The following SFXN5 variants were observed in gnomAD, a reference collection of about 807,000 sequenced individuals.
SFXN5 encodes the protein sideroflexin 5.
In SFXN5, 43 loss-of-function variants were observed where a neutral mutation model predicts 50.2. The observed-to-expected ratio is 0.86, with a 90% CI of 0.67 to 1.11. The LOEUF (loss-of-function observed/expected upper bound fraction) is 1.11. Among genes scored for constraint, SFXN5 ranks in the 50% least tolerant of loss-of-function variants. The pLI is 0.00. For missense variants in SFXN5, 463 were observed against 454.1 expected (o/e 1.02, Z -0.18); for synonymous variants, 203 against 185.8 (o/e 1.09, Z -0.75).
chr2:72,965,691 G>C (rs1274881238), intron 12 of SFXN5, among the ~76,000 whole-genome samples: 1 of 152,138 alleles, frequency 6.6e-6, no homozygotes, highest in East Asian at 1.9e-4. Flanking sequence ...CCCTTTGAGG[G>C]GGACAAGGAA....
rs1015144126 is a variant in SFXN5 at position 72,944,298 on chromosome 2, G to A, written c.*724C>T. On this transcript the variant is annotated 3_prime_UTR_variant, in exon 14 of 14. Coordinates refer to ENST00000272433, the MANE Select transcript of SFXN5 (RefSeq NM_144579.3). ...AATCAGTTAGAGCTCCACGAAGGGG[G>A]ACCCTAGCTCCAGGGTCACTGGACT... 1 of 152,250 alleles carries A rather than the reference G, an allele frequency of 6.6e-6. No individual in the cohort carries two copies. Among genetic ancestry groups the A allele is most frequent in the African/African-American group, 2.4e-5 (1 of 41,436 alleles). 9.4% of individuals were successfully genotyped at this position (152,250 alleles called of 1,614,324 possible). A position where few individuals can be genotyped will look rare whatever the true frequency, so the allele number is the denominator to read the frequency against.
intron 3 of SFXN5, among the ~76,000 whole-genome samples, chr2:73,032,378 G>A (rs1678422900): frequency 6.6e-6 from 1 of 152,248 alleles, no homozygotes; most frequent in South Asian, 2.1e-4. Flanking sequence ...ACAAATCAGT[G>A]TGGATATGAG....
chr2:72,991,178 C>T (rs1672553380), intron 9 of SFXN5, among the ~76,000 whole-genome samples: 1 of 152,220 alleles, frequency 6.6e-6, no homozygotes, highest in Non-Finnish European at 1.5e-5. Context: ...TCTCCAAAGC[C>T]TCCCCCTCCC....
At chr2:73,040,975 G>A (rs762617214) in intron 2 of SFXN5, 44 bp from the exon 3 acceptor site, 1 of 1,572,050 alleles carries the variant, frequency 6.4e-7, no homozygotes, top group South Asian at 1.1e-5. Flanking sequence ...CAGATCCAGG[G>A]CTCCCGCAAA....
intron 12 of SFXN5, among the ~76,000 whole-genome samples, chr2:72,962,720 A>G (rs1673887086): frequency 6.6e-6 from 1 of 152,196 alleles, no homozygotes; most frequent in South Asian, 2.1e-4. Context: ...CTCAGAAATT[A>G]TGTGTCATTA....
At position 73,031,383 on chromosome 2, in the gene SFXN5, A is replaced by G. The variant is rs533114552; in HGVS notation, c.250-8169T>C. On this transcript the variant is annotated intron_variant, in intron 3 of 13. Coordinates refer to ENST00000272433, the MANE Select transcript of SFXN5 (RefSeq NM_144579.3). Reference sequence around the variant, plus strand: ...CCCAAAGAGATGGTAGAGAAACATGATGGAAGGAGCCTGGGTCCCTGAATA... The same window carrying G: ...CCCAAAGAGATGGTAGAGAAACATGGTGGAAGGAGCCTGGGTCCCTGAATA... Among the ~76,000 whole-genome samples, 12 of 152,358 alleles carry G rather than the reference A, an allele frequency of 7.9e-5. No individual in the cohort carries two copies. The East Asian group carries it at 1.7e-3, about 22-fold the overall frequency.
intron 6 of SFXN5, among the ~76,000 whole-genome samples, chr2:73,007,642 G>T (rs954412609): frequency 2.6e-5 from 4 of 151,968 alleles, no homozygotes; most frequent in African/African-American, 9.7e-5. Context: ...ACATACCCGG[G>T]AGCCTCCCAG....
At chr2:72,967,767 C>A (rs888005291) in intron 12 of SFXN5, among the ~76,000 whole-genome samples, 2 of 152,182 alleles carry the variant, frequency 1.3e-5, no homozygotes, top group Admixed American at 6.5e-5. Context: ...CCCCTGCCCC[C>A]TGCCTTCTCC....
intron 4 of SFXN5, 34 bp downstream of exon 4, chr2:73,023,154 G>A (rs778242511): frequency 7.5e-6 from 12 of 1,594,706 alleles, no homozygotes; most frequent in East Asian, 2.3e-5. Context: ...AGGACAACAC[G>A]GAGAAGGAAA....
chr2:73,062,642 C>T (rs1282325484), intron 1 of SFXN5, among the ~76,000 whole-genome samples: 2 of 152,330 alleles, frequency 1.3e-5, no homozygotes, highest in African/African-American at 4.8e-5. Context: ...GAGCTAGGCT[C>T]AGGGGACAGA....
chr2:72,966,621 C>T (rs1185769513), intron 12 of SFXN5, among the ~76,000 whole-genome samples: 2 of 152,216 alleles, frequency 1.3e-5, no homozygotes, highest in Non-Finnish European at 2.9e-5. Flanking sequence ...GCTGGGCACA[C>T]AGGACCCCTC....
intron 2 of SFXN5, among the ~76,000 whole-genome samples, chr2:73,044,014 C>T (rs999425366): frequency 6.6e-6 from 1 of 152,158 alleles, no homozygotes; most frequent in Non-Finnish European, 1.5e-5. Context: ...TGCAGCGAGG[C>T]CCCCACCCTT....
At chr2:72,956,868 T>C (rs17008519) in intron 13 of SFXN5, 17,222 of 356,870 alleles carry the variant, frequency 0.048, 1,770 homozygotes, top group African/African-American at 0.27. Flanking sequence ...TCCCCATCTT[T>C]GAGCTCAATC....
rs563922974 is a variant in SFXN5, at chr2:73,053,189, G to GA, written c.171+5338dup. On this transcript the variant is annotated intron_variant, in intron 2 of 13. Coordinates refer to ENST00000272433, the MANE Select transcript of SFXN5 (RefSeq NM_144579.3). ...ACTCTGCCTCGAAAAAAAAAAAAAG[G>GA]AAAAAAAAATCCCCCAAATCATCTC... 5.3e-3 allele frequency: 802 copies of GA among 151,606 alleles called. 5 individuals carry two copies. The highest frequency in any genetic ancestry group is 9.6e-3 in the Non-Finnish European group (648 of 67,460). The allele number at this position is 151,606 out of a possible 1,614,324, so 9.4% of individuals were successfully genotyped here.
At chr2:73,024,482 A>T (rs894747470) in intron 3 of SFXN5, among the ~76,000 whole-genome samples, 7 of 152,218 alleles carry the variant, frequency 4.6e-5, no homozygotes, top group Non-Finnish European at 5.9e-5. Flanking sequence ...GGGAGACCCC[A>T]TCTCTACAAA....
chr2:72,964,060 A>G (rs1401012372), intron 12 of SFXN5, among the ~76,000 whole-genome samples: 1 of 152,034 alleles, frequency 6.6e-6, no homozygotes, highest in Non-Finnish European at 1.5e-5. Flanking sequence ...CTGAGCTCCC[A>G]CCTTTCTCTT....
chr2:73,006,906 C>T (rs1373734393), intron 6 of SFXN5, among the ~76,000 whole-genome samples: 1 of 152,222 alleles, frequency 6.6e-6, no homozygotes, highest in African/African-American at 2.4e-5. Context: ...GGAAGAGGGG[C>T]AGTTTGTGCT....
chr2:72,995,604 T>C (rs937727429), intron 9 of SFXN5, among the ~76,000 whole-genome samples: 1 of 152,068 alleles, frequency 6.6e-6, no homozygotes, highest in Non-Finnish European at 1.5e-5. Flanking sequence ...CCCCCATCCA[T>C]GCCGCCTGCT....
chr2:72,993,274 A>C (rs1672830304), intron 9 of SFXN5, among the ~76,000 whole-genome samples: 1 of 152,224 alleles, frequency 6.6e-6, no homozygotes, highest in Admixed American at 6.5e-5. Context: ...GGGCACACTT[A>C]GTAGCACACA....
Sources: allele counts gnomAD v4.1 joint callset (sites outside exome capture counted in the v4.1 genomes callset), GRCh38; gene constraint gnomAD v4.1.1; transcripts MANE v1.5; gene names NCBI Gene and HGNC (gene_info 2026-07-23, HGNC 2026-07-21).